Variants in PROX2 observed in about 807,000 individuals in gnomAD.
PROX2 encodes prospero homeobox 2.
Under a neutral mutation model 48.9 loss-of-function variants are expected in PROX2, and 46 were observed. The observed-to-expected ratio is 0.94, with a 90% CI of 0.74 to 1.20. PROX2 has a LOEUF of 1.20. Among genes scored for constraint, PROX2 ranks in the 50% most tolerant of loss-of-function variants. The probability of loss-of-function intolerance (pLI) is 0.00; values close to 1 mark genes in which losing one functional copy is unlikely to be tolerated. For synonymous variants in PROX2, 260 were observed against 276.6 expected (o/e 0.94, Z 0.60); for missense variants, 663 against 719.4 (o/e 0.92, Z 0.90).
At chr14:74,857,150 T>C (rs926027918) in intron 4 of PROX2, 155 bp from the exon 5 acceptor site, 5 of 603,732 alleles carry the variant, frequency 8.3e-6, no homozygotes, top group Non-Finnish European at 8.7e-6. Flanking sequence ...CACCGCTATT[T>C]TCCAAGCCTA....
At chr14:74,855,652 A>G (rs1335820050) in intron 5 of PROX2, 5 of 172,902 alleles carry the variant, frequency 2.9e-5, no homozygotes, top group Admixed American at 6.3e-5. Context: ...TTTCCCTAGT[A>G]CTAACTGTGG....
intron 4 of PROX2, chr14:74,857,757 TG>T (rs2091756561): frequency 1.4e-5 from 2 of 146,684 alleles, no homozygotes; most frequent in Admixed American, 6.8e-5. Flanking sequence ...TTTGTTTGTT[TG>T]TTTTTGTGTG....
At chr14:74,869,458 A>G (rs1883158744) in intron 2 of PROX2, among the ~76,000 whole-genome samples, 1 of 152,072 alleles carries the variant, frequency 6.6e-6, no homozygotes, top group South Asian at 2.1e-4. Flanking sequence ...TTGTATTTTT[A>G]GTAGAGACAG....
intron 2 of PROX2, among the ~76,000 whole-genome samples, chr14:74,870,692 C>T (rs1009297754): frequency 6.6e-6 from 1 of 151,970 alleles, no homozygotes; most frequent in African/African-American, 2.4e-5. Flanking sequence ...GGGATATATG[C>T]GAAATCTCTG....
At chr14:74,870,372 C>T (rs1459492555) in intron 2 of PROX2, among the ~76,000 whole-genome samples, 3 of 148,010 alleles carry the variant, frequency 2.0e-5, no homozygotes, top group Non-Finnish European at 4.4e-5. Flanking sequence ...CTGCAGTGAG[C>T]TCTGATTGCG....
chr14:74,858,290 A>G (rs1309499145), intron 4 of PROX2, 117 bp downstream of exon 4: 1 of 614,738 alleles, frequency 1.6e-6, no homozygotes, highest in Non-Finnish European at 2.9e-6. Context: ...TTCCATCAGC[A>G]ACACTAAGGG....
chr14:74,868,357 AT>A (rs1566782554), intron 2 of PROX2, among the ~76,000 whole-genome samples: 106 of 129,576 alleles, frequency 8.2e-4, no homozygotes, highest in Non-Finnish European at 1.4e-3. Context: ...ATATATATAT[AT>A]ATAAACAAAA....
chr14:74,864,733 T>C (rs956168842), intron 2 of PROX2, among the ~76,000 whole-genome samples: 3 of 151,974 alleles, frequency 2.0e-5, no homozygotes, highest in Non-Finnish European at 2.9e-5. Flanking sequence ...TCCCAGCTAC[T>C]TGGGAGGCTG....
chr14:74,863,058 G>T lies in PROX2; in HGVS notation c.777C>A (p.Ser259Arg). The T allele has an allele frequency of 6.2e-7, 1 of 1,613,936 alleles. No homozygotes were observed. The highest frequency in any genetic ancestry group is 8.5e-7 in the Non-Finnish European group (1 of 1,179,842). Residue 259 changes from serine (S) to arginine (R), a missense_variant, in exon 3 of 6, where the codon AGC (serine) becomes AGA (arginine). By Grantham distance (110) the Ser-to-Arg change is moderately radical (BLOSUM62 -1). Transcript: ENST00000556489. ...PPGHLTQLGR[S>R]FQGQVAEGRS... is the part of the protein sequence containing the mutation. ...TACCCTCTGCCACCTGCCCCTGGAA[G>T]CTTCTGCCCAGCTGAGTCAGGTGGC...
At chr14:74,867,803 G>A (rs1325766120) in intron 2 of PROX2, among the ~76,000 whole-genome samples, 1 of 152,198 alleles carries the variant, frequency 6.6e-6, no homozygotes, top group Non-Finnish European at 1.5e-5. Flanking sequence ...CCAGAAGACA[G>A]ATCTACTAGG....
chr14:74,870,791 G>A (rs1449121805), intron 2 of PROX2, among the ~76,000 whole-genome samples: 1 of 152,202 alleles, frequency 6.6e-6, no homozygotes, highest in South Asian at 2.1e-4. Flanking sequence ...TGTAATCCCA[G>A]CACTTTGGGA....
chr14:74,863,803 TG>T lies in PROX2; in HGVS notation c.31del (p.Gln11SerfsTer8), dbSNP rs1224508188. On this transcript the variant is annotated frameshift_variant, in exon 3 of 6. Transcript: ENST00000556489. LOFTEE classifies it high-confidence loss of function. ...TGCTAGGTGGGAGCAGATCTGGGGC[TG>T]AGGAGAAAGCAAGATGGAGTTTGGA... Reference protein sequence around the residue: MDPNSILLSPQPQICSHLAEA... With the variant: MDPNSILLSPXPQICSHLAEA... 6.6e-7 allele frequency: 1 copy of T among 1,511,506 alleles called. No individual in the cohort carries two copies. The highest frequency in any genetic ancestry group is 8.8e-7 in the Non-Finnish European group (1 of 1,134,116). The allele number at this position is 1,511,506 out of a possible 1,614,324, so 93.6% of individuals were successfully genotyped here.
chr14:74,872,241 T>C (rs1432807904), intron 1 of PROX2, among the ~76,000 whole-genome samples: 1 of 152,240 alleles, frequency 6.6e-6, no homozygotes, highest in East Asian at 1.9e-4. Context: ...AAATCAGATT[T>C]ATACAAGCAG....
At chr14:74,868,291 A>G (rs1003973513) in intron 2 of PROX2, among the ~76,000 whole-genome samples, 1 of 139,418 alleles carries the variant, frequency 7.2e-6, no homozygotes, top group Non-Finnish European at 1.5e-5. Context: ...CCATGTACAG[A>G]GAAGTTTATA....
At chr14:74,864,840 T>C (rs2091830828) in intron 2 of PROX2, among the ~76,000 whole-genome samples, 1 of 134,410 alleles carries the variant, frequency 7.4e-6, no homozygotes, top group Non-Finnish European at 1.6e-5. Flanking sequence ...AGACTCCATC[T>C]CAAAAAAAAA....
chr14:74,856,597 G>A (rs1459321576), intron 5 of PROX2: 2 of 570,472 alleles, frequency 3.5e-6, no homozygotes, highest in East Asian at 5.7e-5. Context: ...ATGAAGACTG[G>A]CTGTTGACTC....
rs1341694984 is a variant in PROX2 at position 74,853,574 on chromosome 14, A to T, written c.*1558T>A. On this transcript the variant is annotated 3_prime_UTR_variant, in exon 6 of 6. Transcript: ENST00000556489. Reference sequence around the variant, plus strand: ...AAATTCAAAGGAAAATTCATCTTTCATACTTTTTATGCTGATAGTTCTAGT... The same window carrying T: ...AAATTCAAAGGAAAATTCATCTTTCTTACTTTTTATGCTGATAGTTCTAGT... The T allele has an allele frequency of 1.3e-5, 2 of 152,192 alleles. No homozygotes were observed. The highest frequency in any genetic ancestry group is 1.3e-4 in the Admixed American group (2 of 15,284). 9.4% of individuals were successfully genotyped at this position (152,192 alleles called of 1,614,324 possible). A position where few individuals can be genotyped will look rare whatever the true frequency, so the allele number is the denominator to read the frequency against.
chr14:74,874,179 G>A, intron 1 of PROX2: 1 of 476,546 alleles, frequency 2.1e-6, no homozygotes, highest in Non-Finnish European at 4.2e-6. Context: ...ATGTTGAAAA[G>A]AAAGCTGCAG....
At chr14:74,859,618 C>T (rs2091779708) in intron 3 of PROX2, among the ~76,000 whole-genome samples, 1 of 152,220 alleles carries the variant, frequency 6.6e-6, no homozygotes, top group African/African-American at 2.4e-5. Context: ...ATACGCTTTG[C>T]ATTTTTAGGG....
Sources: allele counts gnomAD v4.1 joint callset (sites outside exome capture counted in the v4.1 genomes callset), GRCh38; gene constraint gnomAD v4.1.1; transcripts MANE v1.5; gene names NCBI Gene and HGNC (gene_info 2026-07-23, HGNC 2026-07-21).